ATAD2: variants seen among roughly 807,000 people sequenced by gnomAD.
ATAD2 encodes ATPase family AAA domain-containing protein 2.
ATAD2 carries 62 observed loss-of-function variants against 168.9 expected under a neutral mutation model. That is an observed-to-expected ratio of 0.37 (90% CI 0.30 to 0.45). The LOEUF (loss-of-function observed/expected upper bound fraction) is 0.45. Ranked by LOEUF, ATAD2 falls within the 20% of genes least tolerant of loss-of-function variation. The pLI is 1.00. For synonymous variants in ATAD2, 613 were observed against 571.6 expected, an observed-to-expected ratio of 1.07 and a Z score of -1.03; for missense variants, 1,419 against 1,667.8, an observed-to-expected ratio of 0.85 and a Z score of 2.60.
chr8:123,373,294 C>T (rs1829204343), intron 2 of ATAD2, among the ~76,000 whole-genome samples: 1 of 151,976 alleles, frequency 6.6e-6, no homozygotes, highest in South Asian at 2.1e-4. Context: ...TCCAGTTCTC[C>T]CACCTTAGCC....
At chr8:123,371,033 T>G (rs1161777482) in intron 5 of ATAD2, 43 bp from the exon 6 acceptor site, 4 of 1,430,260 alleles carry the variant, frequency 2.8e-6, no homozygotes, top group Non-Finnish European at 3.8e-6. Flanking sequence ...TGGAATCTAT[T>G]TATTAAAAAA....
chr8:123,362,125 T>C lies in ATAD2; in HGVS notation c.1050-479A>G, dbSNP rs79792118. Among the ~76,000 whole-genome samples the C allele has an allele frequency of 0.021, 3,167 of 152,142 alleles. 185 individuals are homozygous for C. In the East Asian group the frequency reaches 0.23, roughly 11 times the overall value. ...GAGCAACTTGGCAAGATTTGGTCTCTACTAAAAATCAAAAAGCTTAGACAG... is the reference window on the plus strand; with the variant it reads ...GAGCAACTTGGCAAGATTTGGTCTCCACTAAAAATCAAAAAGCTTAGACAG... On this transcript the variant is annotated intron_variant, in intron 8 of 27. Coordinates refer to ENST00000287394, the MANE Select transcript of ATAD2 (RefSeq NM_014109.4).
chr8:123,381,688 T>C (rs887721800), intron 1 of ATAD2, among the ~76,000 whole-genome samples: 9 of 152,098 alleles, frequency 5.9e-5, no homozygotes, highest in Admixed American at 1.3e-4. Flanking sequence ...TGAGATCATA[T>C]AGAGTATTTT....
At chr8:123,344,579 C>T (rs1828173234) in intron 19 of ATAD2, 9 of 311,236 alleles carry the variant, frequency 2.9e-5, no homozygotes, top group Non-Finnish European at 5.0e-5. Context: ...AATCTCCTGA[C>T]CTCATGATCC....
At chr8:123,415,506 C>A (rs1301474556) in intron 1 of ATAD2, among the ~76,000 whole-genome samples, 1 of 152,148 alleles carries the variant, frequency 6.6e-6, no homozygotes, top group Non-Finnish European at 1.5e-5. Flanking sequence ...ATGCTCATTG[C>A]AAATATAAAC....
intron 25 of ATAD2, among the ~76,000 whole-genome samples, chr8:123,326,917 T>C (rs1259035018): frequency 6.6e-6 from 1 of 152,144 alleles, no homozygotes; most frequent in East Asian, 1.9e-4. Context: ...TTCTTTCTTT[T>C]TTTTTGAGAT....
intron 19 of ATAD2, among the ~76,000 whole-genome samples, chr8:123,339,663 C>T (rs1328280767): frequency 6.6e-6 from 1 of 152,060 alleles, no homozygotes; most frequent in Non-Finnish European, 1.5e-5. Context: ...TATATATACA[C>T]ACATGCATAT....
chr8:123,339,095 A>C (rs1423440504), intron 20 of ATAD2, among the ~76,000 whole-genome samples: 2 of 152,180 alleles, frequency 1.3e-5, no homozygotes, highest in African/African-American at 4.8e-5. Flanking sequence ...AAATGAGCTT[A>C]GAAAGATAGA....
At chr8:123,346,772 C>T in intron 16 of ATAD2, 22 bp from the exon 17 acceptor site, 1 of 1,564,010 alleles carries the variant, frequency 6.4e-7, no homozygotes, top group Non-Finnish European at 8.6e-7. Context: ...AAAAATTGTA[C>T]ATTAGTAACT....
chr8:123,356,458 G>A lies in ATAD2; in HGVS notation c.1577C>T (p.Ser526Leu). The A allele has an allele frequency of 6.2e-7, 1 of 1,612,600 alleles. No homozygotes were observed. The highest frequency in any genetic ancestry group is 8.5e-7 in the Non-Finnish European group (1 of 1,179,168). Residue 526 changes from serine (S) to leucine (L), a missense_variant, in exon 13 of 28, where the codon TCA becomes TTA. Physicochemically the swap from Ser to Leu is moderately radical, Grantham distance 145. Transcript: ENST00000287394. ...ATCAATTTCGTCAAAAAAAATAATTGATGGGCGCATCTGATAGGCCTAGAA... is the reference window on the plus strand; with the variant it reads ...ATCAATTTCGTCAAAAAAAATAATTAATGGGCGCATCTGATAGGCCTAGAA... ...LFDQAYQMRP[S>L]IIFFDEIDGL...
At chr8:123,374,683 A>C (rs1349850534) in intron 2 of ATAD2, among the ~76,000 whole-genome samples, 1 of 152,196 alleles carries the variant, frequency 6.6e-6, no homozygotes, top group African/African-American at 2.4e-5. Flanking sequence ...ACCTAACATT[A>C]TAGGGTGAAA....
At chr8:123,395,623 G>A (rs966902248) in intron 1 of ATAD2, among the ~76,000 whole-genome samples, 26 of 152,190 alleles carry the variant, frequency 1.7e-4, no homozygotes, top group African/African-American at 6.3e-4. Flanking sequence ...TGGAAGCGGG[G>A]GGCGTACATG....
chr8:123,380,718 CA>C, intron 1 of ATAD2, 41 bp from the exon 2 acceptor site: 2 of 1,574,270 alleles, frequency 1.3e-6, no homozygotes, highest in Non-Finnish European at 1.7e-6. Flanking sequence ...TTTTTCTTTA[CA>C]AAACTCCAAT....
chr8:123,353,924 G>A (rs902602689), intron 13 of ATAD2, among the ~76,000 whole-genome samples: 5 of 152,178 alleles, frequency 3.3e-5, no homozygotes, highest in African/African-American at 1.2e-4. Flanking sequence ...CCTGAGATCA[G>A]GAGTTCGAGA....
chr8:123,323,897 A>G (rs1827539760), intron 26 of ATAD2, among the ~76,000 whole-genome samples: 1 of 152,192 alleles, frequency 6.6e-6, no homozygotes, highest in Non-Finnish European at 1.5e-5. Flanking sequence ...AGTAAATTGA[A>G]ATAGTCTCAG....
chr8:123,409,231 A>G (rs186753023), intron 1 of ATAD2, among the ~76,000 whole-genome samples: 1 of 152,304 alleles, frequency 6.6e-6, no homozygotes, highest in Admixed American at 6.5e-5. Context: ...GGTACACAGC[A>G]GTGAGTCTAA....
chr8:123,407,400 G>A (rs2130037539), intron 1 of ATAD2, among the ~76,000 whole-genome samples: 1 of 152,264 alleles, frequency 6.6e-6, no homozygotes. Flanking sequence ...TTCTAGTTAG[G>A]AGTGACTTGA....
At chr8:123,337,904 T>C in intron 20 of ATAD2, 83 bp from the exon 21 acceptor site, 1 of 1,313,666 alleles carries the variant, frequency 7.6e-7, no homozygotes, top group Non-Finnish European at 1.0e-6. Context: ...AGAGTCAGGA[T>C]TTGAGGGATT....
rs200238910 is a variant in ATAD2 at position 123,412,604 on chromosome 8, A to AT, written c.-2282+3643_-2282+3644insA. On this transcript the variant is annotated intron_variant, in intron 1 of 28. Coordinates refer to the ATAD2 transcript ENST00000521903. ...CCACCATGCCTGGCTAATTAAAAAA[A>AT]ATTTTTTTTTTGTAGAGACAGGGTC... Among the ~76,000 whole-genome samples the AT allele has an allele frequency of 1.8e-3, 196 of 107,408 alleles. No homozygotes were observed. In the East Asian group the frequency reaches 0.024, roughly 13 times the overall value. The allele number at this position is 107,408 out of a possible 152,430, so 70.5% of individuals were successfully genotyped here. A position where few individuals can be genotyped will look rare whatever the true frequency, so the allele number is the denominator to read the frequency against.
Sources: allele counts gnomAD v4.1 joint callset (sites outside exome capture counted in the v4.1 genomes callset), GRCh38; gene constraint gnomAD v4.1.1; transcripts MANE v1.5; gene names NCBI Gene and HGNC (gene_info 2026-07-23, HGNC 2026-07-21).